The following NRXN3 variants were observed in gnomAD, a reference collection of about 807,000 sequenced individuals.
The protein encoded by NRXN3 is neurexin III.
A neutral mutation model predicts 137.6 loss-of-function variants in NRXN3; 32 were observed. The ratio of observed to expected loss-of-function variants is 0.23; its 90% CI spans 0.18 to 0.31. The LOEUF is 0.31. NRXN3 is among the 10% of genes least tolerant of loss of function. NRXN3 has a pLI of 1.00. For synonymous variants in NRXN3, 798 were observed against 784.5 expected (o/e 1.02, Z -0.29); for missense variants, 1,574 against 2,062.5 (o/e 0.76, Z 4.59).
intron 16 of NRXN3, among the ~76,000 whole-genome samples, chr14:79,631,871 C>T (rs1194460530): frequency 6.6e-6 from 1 of 151,974 alleles, no homozygotes; most frequent in Non-Finnish European, 1.5e-5. Context: ...ATTGTAAATG[C>T]ACCAATCAGC....
chr14:78,496,268 GA>G (rs1186135228), intron 4 of NRXN3, among the ~76,000 whole-genome samples: 4 of 151,958 alleles, frequency 2.6e-5, no homozygotes, highest in Admixed American at 6.5e-5. Context: ...GACATTGGGG[GA>G]AAAAAATAAA....
At chr14:78,838,947 CT>C (rs2099004607) in intron 10 of NRXN3, among the ~76,000 whole-genome samples, 1 of 152,136 alleles carries the variant, frequency 6.6e-6, no homozygotes. Flanking sequence ...CTCTACTAGC[CT>C]TGCTCATTTA....
intron 15 of NRXN3, among the ~76,000 whole-genome samples, chr14:79,000,220 A>G (rs1378506252): frequency 6.6e-6 from 1 of 152,192 alleles, no homozygotes; most frequent in African/African-American, 2.4e-5. Context: ...AGTTTTACTC[A>G]GATATTCTTA....
intron 10 of NRXN3, among the ~76,000 whole-genome samples, chr14:78,915,782 C>G (rs1348734792): frequency 1.3e-5 from 2 of 151,894 alleles, no homozygotes; most frequent in Non-Finnish European, 2.9e-5. Context: ...AATTATGTGG[C>G]CTTTTCAGTA....
chr14:78,581,448 T>C (rs1169408226), intron 4 of NRXN3, among the ~76,000 whole-genome samples: 1 of 152,168 alleles, frequency 6.6e-6, no homozygotes, highest in Non-Finnish European at 1.5e-5. Context: ...TGACCTTTTA[T>C]AGAGGTTGCT....
intron 10 of NRXN3, among the ~76,000 whole-genome samples, chr14:78,832,855 G>A (rs557441221): frequency 6.6e-6 from 1 of 152,280 alleles, no homozygotes; most frequent in South Asian, 2.1e-4. Context: ...GAGGAGCTTG[G>A]ATGTCAGTTG....
At chr14:78,508,667 TA>T (rs75732397) in intron 4 of NRXN3, among the ~76,000 whole-genome samples, 3,296 of 148,380 alleles carry the variant, frequency 0.022, 106 homozygotes, top group African/African-American at 0.072. Flanking sequence ...TTTAAAATGT[TA>T]AAAAAAAAAG....
In NRXN3 at chr14:78,689,444, C is replaced by T. The variant is rs60039550; in HGVS notation, c.1222-19773C>T. Among the ~76,000 whole-genome samples, 510 of 152,224 alleles carry T rather than the reference C, an allele frequency of 3.4e-3. 24 individuals carry two copies. In the East Asian group the frequency reaches 0.051, roughly 15 times the overall value. ...TTGTTATTTGAGTACTTATTAAATG[C>T]TTACTTTAAACATGGGCATAATTTC... On this transcript the variant is annotated intron_variant, in intron 6 of 20. Coordinates refer to ENST00000335750, the MANE Select transcript of NRXN3 (RefSeq NM_001330195.2).
At chr14:79,001,182 CT>C (rs1306070743) in intron 15 of NRXN3, among the ~76,000 whole-genome samples, 1 of 152,176 alleles carries the variant, frequency 6.6e-6, no homozygotes, top group African/African-American at 2.4e-5. Flanking sequence ...TTTGAAACCA[CT>C]GAAGCCATGA....
intron 16 of NRXN3, among the ~76,000 whole-genome samples, chr14:79,469,065 A>T (rs1373468812): frequency 6.6e-6 from 1 of 152,232 alleles, no homozygotes; most frequent in Non-Finnish European, 1.5e-5. Context: ...TAACTTAATG[A>T]CTATTTCATG....
chr14:78,789,871 A>C (rs1175056719), intron 8 of NRXN3, among the ~76,000 whole-genome samples: 1 of 152,046 alleles, frequency 6.6e-6, no homozygotes, highest in Non-Finnish European at 1.5e-5. Context: ...TAGATGCCTA[A>C]GCTGAATTCT....
At chr14:79,828,617 T>C (rs1380423927) in intron 20 of NRXN3, among the ~76,000 whole-genome samples, 1 of 15,970 alleles carries the variant, frequency 6.3e-5, no homozygotes, top group African/African-American at 2.2e-4. Flanking sequence ...AGACTCCATC[T>C]CAAAAAAAAA....
intron 16 of NRXN3, among the ~76,000 whole-genome samples, chr14:79,506,215 T>C (rs886263529): frequency 6.6e-6 from 1 of 152,178 alleles, no homozygotes; most frequent in African/African-American, 2.4e-5. Context: ...GAGGGGATTT[T>C]ACAAAAGAAT....
intron 15 of NRXN3, among the ~76,000 whole-genome samples, chr14:79,038,966 T>C (rs746366320): frequency 1.3e-5 from 2 of 151,820 alleles, no homozygotes; most frequent in Non-Finnish European, 2.9e-5. Context: ...GGGAGGATGG[T>C]AAATTGGGTT....
chr14:78,908,102 G>A (rs1056232629), intron 10 of NRXN3, among the ~76,000 whole-genome samples: 35 of 152,042 alleles, frequency 2.3e-4, no homozygotes, highest in Middle Eastern at 3.4e-3. Flanking sequence ...TGCAGTGAAC[G>A]TAAGTGTGCA....
intron 16 of NRXN3, among the ~76,000 whole-genome samples, chr14:79,565,317 ATG>A (rs1491068802): frequency 6.3e-4 from 81 of 127,934 alleles, no homozygotes; most frequent in Admixed American, 2.2e-3. Flanking sequence ...ATACACACAC[ATG>A]TGTGTGTATA....
chr14:79,061,055 C>G (rs1214439268), intron 15 of NRXN3, among the ~76,000 whole-genome samples: 1 of 152,116 alleles, frequency 6.6e-6, no homozygotes, highest in African/African-American at 2.4e-5. Flanking sequence ...GTGGCTTATA[C>G]GTAGAAGTGG....
intron 19 of NRXN3, among the ~76,000 whole-genome samples, chr14:79,698,583 G>A (rs547596507): frequency 6.8e-4 from 103 of 152,044 alleles, no homozygotes; most frequent in Admixed American, 2.6e-3. Context: ...TGTTTTTGTG[G>A]CAGTTTTTTT....
At chr14:78,321,562 C>T (rs1271859806) in intron 4 of NRXN3, among the ~76,000 whole-genome samples, 1 of 152,040 alleles carries the variant, frequency 6.6e-6, no homozygotes, top group East Asian at 1.9e-4. Context: ...GCAAGGCTCT[C>T]TGTTGGATTT....
Sources: gnomAD v4.1 joint callset for allele counts (sites outside exome capture counted in the v4.1 genomes callset) on GRCh38, gnomAD v4.1.1 for gene constraint, MANE v1.5 for transcripts, NCBI Gene and HGNC (gene_info 2026-07-23, HGNC 2026-07-21) for gene names.